NRG1: variants seen among roughly 807,000 people sequenced by gnomAD.
NRG1 encodes the protein pro-neuregulin-1, membrane-bound isoform.
A neutral mutation model predicts 63.8 loss-of-function variants in NRG1; 18 were observed. The observed-to-expected ratio is 0.28, with a 90% CI of 0.19 to 0.42. The LOEUF (loss-of-function observed/expected upper bound fraction) is 0.42. NRG1 is among the 10% of genes least tolerant of loss of function. The pLI is 1.00. For synonymous variants in NRG1, 302 were observed against 301.3 expected (o/e 1.00, Z -0.02); for missense variants, 762 against 814.7 (o/e 0.94, Z 0.79).
intron 1 of NRG1, among the ~76,000 whole-genome samples, chr8:31,769,827 A>G (rs1818437842): frequency 6.6e-6 from 1 of 152,180 alleles, no homozygotes; most frequent in Admixed American, 6.5e-5. Flanking sequence ...GACAAAGGAC[A>G]ACTTCACTGA....
At chr8:32,353,787 T>A (rs1414531343) in intron 1 of NRG1, among the ~76,000 whole-genome samples, 2 of 152,136 alleles carry the variant, frequency 1.3e-5, no homozygotes, top group African/African-American at 2.4e-5. Flanking sequence ...AATGTACATA[T>A]CCCATGTAAG....
intron 1 of NRG1, among the ~76,000 whole-genome samples, chr8:32,092,036 C>A (rs1829237767): frequency 6.6e-6 from 1 of 151,934 alleles, no homozygotes; most frequent in African/African-American, 2.4e-5. Context: ...ACACTAAGAC[C>A]ATTCACAAAA....
At position 31,712,255 on chromosome 8, in the gene NRG1, C is replaced by CTTTTTTTTTTTTTTTT. The variant is rs57363109; in HGVS notation, c.37+72839_37+72854dup. Among the ~76,000 whole-genome samples, 74 of 72,352 alleles carry CTTTTTTTTTTTTTTTT rather than the reference C, an allele frequency of 1.0e-3. 8 individuals carry two copies. Among genetic ancestry groups the CTTTTTTTTTTTTTTTT allele is most frequent in the Non-Finnish European group, 1.3e-3 (51 of 39,664 alleles). 47.5% of individuals were successfully genotyped at this position (72,352 alleles called of 152,430 possible). A position where few individuals can be genotyped will look rare whatever the true frequency, so the allele number is the denominator to read the frequency against. On this transcript the variant is annotated intron_variant, in intron 1 of 10. Coordinates refer to the NRG1 transcript ENST00000519301. Reference sequence around the variant, plus strand: ...TGACTTCCTGTTTCTTCTTCATGATCTTTTTTTTTTTTTTTTTTTTTTTTT... The same window carrying CTTTTTTTTTTTTTTTT: ...TGACTTCCTGTTTCTTCTTCATGATCTTTTTTTTTTTTTTTTTTTTTTTTTTTTTTTTTTTTTTTTT...
At chr8:32,206,798 C>T (rs1844113181) in intron 1 of NRG1, among the ~76,000 whole-genome samples, 1 of 152,204 alleles carries the variant, frequency 6.6e-6, no homozygotes, top group Admixed American at 6.5e-5. Context: ...CAACCTCCAC[C>T]CTTCTGAGTC....
intron 1 of NRG1, among the ~76,000 whole-genome samples, chr8:32,009,164 A>G (rs1814310906): frequency 6.6e-6 from 1 of 152,070 alleles, no homozygotes; most frequent in South Asian, 2.1e-4. Context: ...TGTGTTGTAT[A>G]ATATGACCGT....
chr8:32,218,105 G>A (rs941666104), intron 1 of NRG1, among the ~76,000 whole-genome samples: 1 of 152,172 alleles, frequency 6.6e-6, no homozygotes, highest in Non-Finnish European at 1.5e-5. Flanking sequence ...AAATAGTGGC[G>A]ATATTAAGAT....
intron 1 of NRG1, among the ~76,000 whole-genome samples, chr8:31,935,720 G>A (rs1257020592): frequency 2.0e-5 from 3 of 152,178 alleles, no homozygotes; most frequent in Non-Finnish European, 4.4e-5. Context: ...AGCTCTTCGA[G>A]GCCAGACAGC....
At chr8:31,944,338 A>G (rs1432773502) in intron 1 of NRG1, among the ~76,000 whole-genome samples, 1 of 152,200 alleles carries the variant, frequency 6.6e-6, no homozygotes. Flanking sequence ...TTGTCATCTC[A>G]AAGGTCATAT....
intron 1 of NRG1, among the ~76,000 whole-genome samples, chr8:32,081,634 C>A (rs1223912500): frequency 6.6e-6 from 1 of 152,060 alleles, no homozygotes; most frequent in Non-Finnish European, 1.5e-5. Flanking sequence ...GTTGTTAAGT[C>A]ATAAGCTAAT....
chr8:31,990,584 A>C (rs1261353961), intron 1 of NRG1, among the ~76,000 whole-genome samples: 1 of 152,124 alleles, frequency 6.6e-6, no homozygotes, highest in Non-Finnish European at 1.5e-5. Context: ...GAAGAAAATA[A>C]GATTCTTTGT....
chr8:32,650,861 G>A (rs766752526), intron 5 of NRG1, among the ~76,000 whole-genome samples: 11 of 151,740 alleles, frequency 7.2e-5, no homozygotes, highest in Admixed American at 2.0e-4. Context: ...TTATTCTCCC[G>A]TTTCCATTTT....
chr8:32,574,675 T>A (rs1216971751), intron 1 of NRG1, among the ~76,000 whole-genome samples: 1 of 152,190 alleles, frequency 6.6e-6, no homozygotes, highest in African/African-American at 2.4e-5. Context: ...TCCGTCATGA[T>A]TGAAAGCTCC....
intron 5 of NRG1, among the ~76,000 whole-genome samples, chr8:32,626,472 A>C (rs896966879): frequency 2.3e-4 from 35 of 151,378 alleles, no homozygotes; most frequent in African/African-American, 8.5e-4. Context: ...CAAGGTCAGG[A>C]GATCGAGACC....
At chr8:32,547,358 G>A (rs1200860052), upstream of NRG1, among the ~76,000 whole-genome samples, 3 of 152,090 alleles carry the variant, frequency 2.0e-5, no homozygotes, top group African/African-American at 7.2e-5. Context: ...AGGATCTCCA[G>A]TTCTGTGTCT....
chr8:31,813,516 C>CTTTTTTTTT (rs377718067), intron 1 of NRG1, among the ~76,000 whole-genome samples: 21 of 101,214 alleles, frequency 2.1e-4, no homozygotes, highest in African/African-American at 3.7e-4. Context: ...CTTTTCTTTT[C>CTTTTTTTTT]TTTTTTTTTT....
At chr8:32,651,632 C>A (rs1855142387) in intron 5 of NRG1, among the ~76,000 whole-genome samples, 1 of 152,058 alleles carries the variant, frequency 6.6e-6, no homozygotes, top group Non-Finnish European at 1.5e-5. Context: ...TCATCTTGGG[C>A]CAACTTTGTT....
At chr8:31,791,676 C>T (rs1820726816) in intron 1 of NRG1, among the ~76,000 whole-genome samples, 1 of 152,108 alleles carries the variant, frequency 6.6e-6, no homozygotes, top group South Asian at 2.1e-4. Context: ...TTTCATTTCA[C>T]CTGCTGCTGG....
chr8:32,436,683 A>G (rs1269207112), intron 1 of NRG1, among the ~76,000 whole-genome samples: 2 of 152,194 alleles, frequency 1.3e-5, no homozygotes, highest in Non-Finnish European at 2.9e-5. Flanking sequence ...TGGTCTGTCA[A>G]GATGAAACTG....
intron 1 of NRG1, among the ~76,000 whole-genome samples, chr8:31,656,930 T>C (rs1223161489): frequency 1.3e-5 from 2 of 152,220 alleles, no homozygotes; most frequent in Non-Finnish European, 2.9e-5. Flanking sequence ...CCTTGAACCA[T>C]GTATTAGGTT....
Sources: allele counts gnomAD v4.1 joint callset (sites outside exome capture counted in the v4.1 genomes callset), GRCh38; gene constraint gnomAD v4.1.1; transcripts MANE v1.5; gene names NCBI Gene and HGNC (gene_info 2026-07-23, HGNC 2026-07-21).